AFG1L: variants seen among roughly 807,000 people sequenced by gnomAD.
The protein encoded by AFG1L is AFG1 like ATPase, also known as AFG1-like ATPase.
In AFG1L, 53 loss-of-function variants were observed where a neutral mutation model predicts 62.2. The observed-to-expected ratio is 0.85, with a 90% confidence interval of 0.68 to 1.07. The LOEUF (loss-of-function observed/expected upper bound fraction) is 1.07, where lower values mean the gene tolerates loss of function less well. Ranked by LOEUF, AFG1L falls within the 50% of genes least tolerant of loss-of-function variation. AFG1L has a pLI of 0.00. For synonymous variants in AFG1L, 228 were observed against 210.3 expected, an observed-to-expected ratio of 1.08 and a Z score of -0.73; for missense variants, 555 against 590.5, an observed-to-expected ratio of 0.94 and a Z score of 0.62.
chr6:108,443,531 G>A (rs1771633105), intron 7 of AFG1L, among the ~76,000 whole-genome samples: 1 of 152,154 alleles, frequency 6.6e-6, no homozygotes, highest in South Asian at 2.1e-4. Flanking sequence ...ATTTTACAAT[G>A]TACAAGTCTT....
rs150159645 is a variant in AFG1L at position 108,384,878 on chromosome 6, T to A, written c.749-17118T>A. Reference sequence around the variant, plus strand: ...GTTCAAATAACTTAAAATTATCCCATGTAAAGAATAGAAAGAGAATAATTA... The same window carrying A: ...GTTCAAATAACTTAAAATTATCCCAAGTAAAGAATAGAAAGAGAATAATTA... On this transcript the variant is annotated intron_variant, in intron 6 of 12. Transcript: ENST00000368977. 2.5e-3 allele frequency among the ~76,000 whole-genome samples: 377 copies of A among 152,186 alleles called. 1 individual carries two copies. Among genetic ancestry groups the A allele is most frequent in the Non-Finnish European group, 4.0e-3 (275 of 68,010 alleles).
intron 10 of AFG1L, among the ~76,000 whole-genome samples, chr6:108,502,446 C>A (rs1164010640): frequency 6.6e-6 from 1 of 152,108 alleles, no homozygotes; most frequent in Non-Finnish European, 1.5e-5. Flanking sequence ...CTCAGGTGAT[C>A]CACTCGCTTC....
chr6:108,440,508 A>G (rs931148710), intron 7 of AFG1L, among the ~76,000 whole-genome samples: 1 of 152,100 alleles, frequency 6.6e-6, no homozygotes, highest in African/African-American at 2.4e-5. Context: ...GTAAAATGAT[A>G]TATCTTAGTT....
At chr6:108,470,177 G>T (rs1772829921) in intron 8 of AFG1L, among the ~76,000 whole-genome samples, 1 of 152,120 alleles carries the variant, frequency 6.6e-6, no homozygotes, top group Non-Finnish European at 1.5e-5. Context: ...CTTCTTCTAG[G>T]CTCCCTAATG....
At chr6:108,400,086 G>A (rs1781502317) in intron 6 of AFG1L, among the ~76,000 whole-genome samples, 1 of 152,008 alleles carries the variant, frequency 6.6e-6, no homozygotes, top group Non-Finnish European at 1.5e-5. Flanking sequence ...GCCCTCTTGG[G>A]AAATCTTTAG....
intron 2 of AFG1L, among the ~76,000 whole-genome samples, chr6:108,330,700 A>G (rs898174847): frequency 2.0e-5 from 3 of 152,194 alleles, no homozygotes; most frequent in Non-Finnish European, 4.4e-5. Flanking sequence ...TATTAGCTAC[A>G]GCATGTTTGC....
intron 6 of AFG1L, among the ~76,000 whole-genome samples, chr6:108,380,321 G>A (rs533387327): frequency 3.3e-5 from 5 of 152,088 alleles, no homozygotes; most frequent in South Asian, 2.1e-4. Flanking sequence ...AGGCAAGTAC[G>A]TATTCCAAAT....
In AFG1L at chr6:108,477,233, C is replaced by T. The variant is rs776436714; in HGVS notation, c.1003C>T (p.Arg335Cys). The T allele has an allele frequency of 6.8e-6, 11 of 1,609,442 alleles. No individual in the cohort carries two copies. Among genetic ancestry groups the T allele is most frequent in the Non-Finnish European group, 9.3e-6 (11 of 1,176,926 alleles). The change falls in exon 10 of 13, where the codon CGC becomes TGC. Residue 335 changes from arginine to cysteine, a missense_variant. Coordinates refer to ENST00000368977, the MANE Select transcript of AFG1L (RefSeq NM_145315.5). ...TCTAAAAGTGCAAGGCAGAGAGCTG[C>T]GCCTGAATAAAGCCTGTGGAACCGT... is the stretch of plus-strand genomic sequence containing the variant. ...RILKVQGREL[R>C]LNKACGTVAD... is the part of the protein sequence containing the mutation.
At chr6:108,312,111 T>C (rs1405959074) in intron 1 of AFG1L, among the ~76,000 whole-genome samples, 2 of 152,218 alleles carry the variant, frequency 1.3e-5, no homozygotes, top group Non-Finnish European at 2.9e-5. Flanking sequence ...AGGATCCGCC[T>C]GCCTTGGCCT....
chr6:108,515,114 C>A (rs1286962246), intron 11 of AFG1L, among the ~76,000 whole-genome samples: 2 of 152,126 alleles, frequency 1.3e-5, no homozygotes, highest in African/African-American at 4.8e-5. Flanking sequence ...ACAAGGATAT[C>A]CAGGAATTGA....
chr6:108,372,306 G>C (rs1462832452), intron 6 of AFG1L, among the ~76,000 whole-genome samples: 2 of 150,010 alleles, frequency 1.3e-5, no homozygotes, highest in African/African-American at 4.9e-5. Flanking sequence ...TAGCTATGAA[G>C]GTCAATTACC....
intron 10 of AFG1L, among the ~76,000 whole-genome samples, chr6:108,484,827 C>G (rs1233791301): frequency 6.6e-6 from 1 of 152,074 alleles, no homozygotes; most frequent in Non-Finnish European, 1.5e-5. Flanking sequence ...AAAGTGAACT[C>G]TCTGTAAGAC....
rs548090957 is a variant in AFG1L, at chr6:108,392,508, T to A, written c.749-9488T>A. On this transcript the variant is annotated intron_variant, in intron 6 of 12. Transcript: ENST00000368977. ...CTTGGTTCCTCTTTTTATTTATCTG[T>A]TGTCTTCAGCACTCGTTTCAGTGAA... Among the ~76,000 whole-genome samples the A allele has an allele frequency of 5.9e-5, 9 of 152,296 alleles. No individual in the cohort carries two copies. In the South Asian group the frequency reaches 1.9e-3, roughly 32 times the overall value.
In AFG1L at chr6:108,501,658, G is replaced by A. The variant is rs146417126; in HGVS notation, c.1063-8554G>A. On this transcript the variant is annotated intron_variant, in intron 10 of 12. Coordinates refer to ENST00000368977, the MANE Select transcript of AFG1L (RefSeq NM_145315.5). Reference sequence around the variant, plus strand: ...AGATGAGGAAAAGAAGGAAGATTCTGTGTAGAGTGTTTTTATGGGCTAGAC... The same window carrying A: ...AGATGAGGAAAAGAAGGAAGATTCTATGTAGAGTGTTTTTATGGGCTAGAC... 2.6e-5 allele frequency among the ~76,000 whole-genome samples: 4 copies of A among 152,268 alleles called. No homozygotes were observed. In the East Asian group the frequency reaches 7.7e-4, roughly 29 times the overall value.
chr6:108,403,048 T>C (rs1781699446), intron 7 of AFG1L, among the ~76,000 whole-genome samples: 1 of 152,180 alleles, frequency 6.6e-6, no homozygotes, highest in Non-Finnish European at 1.5e-5. Context: ...ATTCTGCCAA[T>C]ATTTATTAAG....
chr6:108,338,815 A>G (rs1445750021), intron 2 of AFG1L, among the ~76,000 whole-genome samples: 2 of 152,212 alleles, frequency 1.3e-5, no homozygotes, highest in African/African-American at 4.8e-5. Flanking sequence ...TGAGAACTCA[A>G]CAAAAGATGC....
intron 3 of AFG1L, among the ~76,000 whole-genome samples, chr6:108,348,160 G>A (rs1582414095): frequency 6.6e-6 from 1 of 152,236 alleles, no homozygotes; most frequent in East Asian, 1.9e-4. Flanking sequence ...CTCACTGCAA[G>A]CTCCGCCTCC....
chr6:108,457,371 C>T (rs368135624), intron 8 of AFG1L, among the ~76,000 whole-genome samples: 19 of 152,052 alleles, frequency 1.2e-4, no homozygotes, highest in Middle Eastern at 6.8e-3. Context: ...TAGGGCATAG[C>T]GTAAGCACCT....
rs374422646 is a variant in AFG1L at position 108,522,468 on chromosome 6, G to A, written c.*43G>A. ...ATAAAACTCTAGACAAATGGTTAAC[G>A]CAGGCAGAACTCCTTATTGTGGGAC... On this transcript the variant is annotated 3_prime_UTR_variant, in exon 13 of 13. Coordinates refer to ENST00000368977, the MANE Select transcript of AFG1L (RefSeq NM_145315.5). 1.1e-5 allele frequency: 17 copies of A among 1,576,398 alleles called. No homozygotes were observed. Among genetic ancestry groups the A allele is most frequent in the African/African-American group, 4.0e-5 (3 of 74,356 alleles).
Sources: gnomAD v4.1 joint callset for allele counts (sites outside exome capture counted in the v4.1 genomes callset) on GRCh38, gnomAD v4.1.1 for gene constraint, MANE v1.5 for transcripts, NCBI Gene and HGNC (gene_info 2026-07-23, HGNC 2026-07-21) for gene names.